ATR: variants seen among roughly 807,000 people sequenced by gnomAD.
The protein encoded by ATR is ATR checkpoint kinase, also known as serine/threonine-protein kinase ATR.
ATR carries 142 observed loss-of-function variants against 305.3 expected under a neutral mutation model. The observed-to-expected ratio is 0.47, with a 90% CI of 0.41 to 0.53. The LOEUF (loss-of-function observed/expected upper bound fraction) is 0.53, where lower values mean the gene tolerates loss of function less well. Among genes scored for constraint, ATR ranks in the 20% least tolerant of loss-of-function variants. The pLI is 0.00. For synonymous variants in ATR, 1,050 were observed against 1,068.1 expected, an observed-to-expected ratio of 0.98 and a Z score of 0.33; for missense variants, 2,135 against 3,133.1, an observed-to-expected ratio of 0.68 and a Z score of 7.60.
rs1237130375 is a variant in ATR, at chr3:142,507,961, T to C, written c.5001A>G (p.Gln1667=). Residue 1667 remains glutamine (Q), a synonymous_variant, in exon 28 of 47, where the codon CAA becomes CAG. Transcript: ENST00000350721. ...HFESFITEKK[Q]NIQEHLGFLQ... ...AAAATCCAAGATGTTCCTGAATATT[T>C]TGCTTCTTTTCTGTAATAAATGATT... 6.2e-7 allele frequency: 1 copy of C among 1,612,456 alleles called. No homozygotes were observed.
rs776968374 is a variant in ATR, at chr3:142,505,352, T to A, written c.5032-49A>T. 5.6e-6 allele frequency: 9 copies of A among 1,600,876 alleles called. No homozygotes were observed. The East Asian group carries it at 1.8e-4, about 32-fold the overall frequency. On this transcript the variant is annotated intron_variant, in intron 28 of 46. Coordinates refer to ENST00000350721, the MANE Select transcript of ATR (RefSeq NM_001184.4). The stretch of plus-strand genomic sequence containing the variant: ...ATCAAAAACAAGAAAAAAACACAAC[T>A]GGAAATAAAACTATAAAACCACCTG...
rs1275263527 is a variant in ATR, at chr3:142,528,851, TATC to T, written c.3946-4655_3946-4653del. Among the ~76,000 whole-genome samples the T allele has an allele frequency of 8.8e-5, 10 of 113,758 alleles. No homozygotes were observed. In the South Asian group the frequency reaches 2.5e-3, roughly 28 times the overall value. The allele number at this position is 113,758 out of a possible 152,430, so 74.6% of individuals were successfully genotyped here. A position where few individuals can be genotyped will look rare whatever the true frequency, so the allele number is the denominator to read the frequency against. ...ACAGTTTATACTTTTGTTCTGGAAT[TATC>T]ATATATATATATATATATATATATA... On this transcript the variant is annotated intron_variant, in intron 21 of 46. Coordinates refer to ENST00000350721, the MANE Select transcript of ATR (RefSeq NM_001184.4).
At chr3:142,556,164 TAA>T (rs776044491) in intron 9 of ATR, 25 bp from the exon 10 acceptor site, 16 of 1,610,968 alleles carry the variant, frequency 9.9e-6, no homozygotes, top group Admixed American at 5.0e-5. Context: ...GAAAAAGTAC[TAA>T]ACTTTCTTGC....
intron 36 of ATR, among the ~76,000 whole-genome samples, chr3:142,476,094 T>C (rs1329344575): frequency 6.6e-6 from 1 of 152,226 alleles, no homozygotes; most frequent in African/African-American, 2.4e-5. Context: ...AGCTCTTTAG[T>C]TTAATTAGAC....
At chr3:142,468,711 G>A (rs891883822) in intron 38 of ATR, among the ~76,000 whole-genome samples, 3 of 151,930 alleles carry the variant, frequency 2.0e-5, no homozygotes, top group East Asian at 1.9e-4. Context: ...AGGTACTGGC[G>A]GGGCACGATA....
At chr3:142,492,748 GT>G (rs1308675923) in intron 35 of ATR, among the ~76,000 whole-genome samples, 6 of 152,050 alleles carry the variant, frequency 3.9e-5, no homozygotes, top group Non-Finnish European at 8.8e-5. Flanking sequence ...TCCATTGAAA[GT>G]TTTCATTGAC....
chr3:142,480,827 G>C (rs370225982), intron 36 of ATR, among the ~76,000 whole-genome samples: 1 of 152,164 alleles, frequency 6.6e-6, no homozygotes, highest in Non-Finnish European at 1.5e-5. Context: ...CTTGCAGTTC[G>C]ATCTCAGACT....
intron 36 of ATR, among the ~76,000 whole-genome samples, chr3:142,479,819 C>T (rs575776902): frequency 3.7e-4 from 56 of 152,270 alleles, no homozygotes; most frequent in Non-Finnish European, 6.6e-4. Flanking sequence ...CTTCTCTTCT[C>T]GCTTCATTTC....
chr3:142,542,043 C>T (rs2034070078), intron 17 of ATR, among the ~76,000 whole-genome samples: 1 of 152,004 alleles, frequency 6.6e-6, no homozygotes, highest in African/African-American at 2.4e-5. Flanking sequence ...CGAAAATTTC[C>T]AACGGTGGCC....
intron 40 of ATR, among the ~76,000 whole-genome samples, chr3:142,465,984 C>T (rs1163775698): frequency 2.0e-5 from 3 of 146,366 alleles, no homozygotes; most frequent in African/African-American, 2.5e-5. Context: ...CCACCCAACC[C>T]GGGCAACAGA....
rs2033275186 is a variant in ATR, at chr3:142,524,200, C to T, written c.3946-1G>A. Reference sequence around the variant, plus strand: ...CTGTTGCATACTTTATCAGTTTTTCCTAAAATAAAAGTAGAAAGAAAATTT... The same window carrying T: ...CTGTTGCATACTTTATCAGTTTTTCTTAAAATAAAAGTAGAAAGAAAATTT... On this transcript the variant is annotated splice_acceptor_variant, in intron 21 of 46. Transcript: ENST00000350721. LOFTEE classifies it high-confidence loss of function. 6.2e-7 allele frequency: 1 copy of T among 1,610,392 alleles called. No homozygotes were observed. The highest frequency in any genetic ancestry group is 8.5e-7 in the Non-Finnish European group (1 of 1,177,190).
chr3:142,532,871 T>C (rs2033713918), intron 21 of ATR, among the ~76,000 whole-genome samples: 1 of 152,216 alleles, frequency 6.6e-6, no homozygotes, highest in Non-Finnish European at 1.5e-5. Flanking sequence ...TTAAGAGTAC[T>C]GACTACAAAG....
At chr3:142,450,690 G>C in intron 46 of ATR, 1 of 1,593,728 alleles carries the variant, frequency 6.3e-7, no homozygotes, top group South Asian at 1.1e-5. Context: ...TCCTGATTAA[G>C]GGTGCAACAA....
chr3:142,542,592 T>C (rs2034092889), intron 17 of ATR, 73 bp downstream of exon 17: 1 of 1,284,478 alleles, frequency 7.8e-7, no homozygotes, highest in Non-Finnish European at 1.1e-6. Context: ...TTTGAATGTT[T>C]GTAGCTAGAT....
intron 46 of ATR, chr3:142,452,165 G>A: frequency 9.8e-7 from 1 of 1,015,320 alleles, no homozygotes. Context: ...ATGAAGGATG[G>A]GGGCGTACAG....
chr3:142,461,904 C>T (rs750243529), intron 42 of ATR, 36 bp downstream of exon 42: 3 of 1,591,724 alleles, frequency 1.9e-6, no homozygotes, highest in Non-Finnish European at 2.6e-6. Flanking sequence ...TAACTTAGTA[C>T]CCACACTGTA....
chr3:142,460,578 G>C (rs1320784172), intron 42 of ATR, among the ~76,000 whole-genome samples: 1 of 152,090 alleles, frequency 6.6e-6, no homozygotes, highest in Non-Finnish European at 1.5e-5. Flanking sequence ...GAGAGATCAT[G>C]GTCCTAATGA....
chr3:142,476,018 C>T (rs189041057), intron 36 of ATR, among the ~76,000 whole-genome samples: 2 of 152,126 alleles, frequency 1.3e-5, no homozygotes, highest in Non-Finnish European at 1.5e-5. Context: ...GAGTAGATTG[C>T]AAAAATTTTC....
chr3:142,505,526 A>G (rs559407754), intron 28 of ATR, among the ~76,000 whole-genome samples: 6 of 152,292 alleles, frequency 3.9e-5, no homozygotes, highest in Middle Eastern at 3.4e-3. Context: ...ACAAATCTAT[A>G]TCAATAGCTG....
Sources: allele counts gnomAD v4.1 joint callset (sites outside exome capture counted in the v4.1 genomes callset), GRCh38; gene constraint gnomAD v4.1.1; transcripts MANE v1.5; gene names NCBI Gene and HGNC (gene_info 2026-07-23, HGNC 2026-07-21).